VPS53: variants seen among roughly 807,000 people sequenced by gnomAD.
VPS53 encodes the protein VPS53 subunit of GARP complex.
VPS53 carries 70 observed loss-of-function variants against 107.0 expected under a neutral mutation model. The observed-to-expected ratio is 0.65, with a 90% confidence interval of 0.54 to 0.80. The LOEUF (loss-of-function observed/expected upper bound fraction) is 0.80. Ranked by LOEUF, VPS53 falls within the 30% of genes least tolerant of loss-of-function variation. The pLI is 0.00. For missense variants in VPS53, 917 were observed against 1,049.4 expected, an observed-to-expected ratio of 0.87 and a Z score of 1.74; for synonymous variants, 409 against 393.3, an observed-to-expected ratio of 1.04 and a Z score of -0.47.
At chr17:586,976 G>C (rs929176129) in intron 12 of VPS53, among the ~76,000 whole-genome samples, 1 of 152,002 alleles carries the variant, frequency 6.6e-6, no homozygotes, top group African/African-American at 2.4e-5. Flanking sequence ...AGAAAAAGAA[G>C]AATGGACAAC....
At chr17:599,465 C>T (rs1968215500) in intron 12 of VPS53, among the ~76,000 whole-genome samples, 1 of 151,362 alleles carries the variant, frequency 6.6e-6, no homozygotes, top group South Asian at 2.1e-4. Flanking sequence ...CAACCCTGTG[C>T]TCTCTGAAAC....
At chr17:633,280 C>T (rs75209059) in intron 7 of VPS53, among the ~76,000 whole-genome samples, 3 of 152,302 alleles carry the variant, frequency 2.0e-5, no homozygotes, top group East Asian at 3.9e-4. Context: ...TGGTGGCCAC[C>T]GTGCACCGGC....
At chr17:655,575 C>G (rs1015576070) in intron 6 of VPS53, among the ~76,000 whole-genome samples, 3 of 152,082 alleles carry the variant, frequency 2.0e-5, no homozygotes, top group Admixed American at 2.0e-4. Flanking sequence ...TGGTACAGAG[C>G]CACAGCCTGA....
intron 2 of VPS53, among the ~76,000 whole-genome samples, chr17:706,775 T>C (rs940113278): frequency 3.3e-5 from 5 of 152,128 alleles, no homozygotes; most frequent in African/African-American, 1.2e-4. Flanking sequence ...TTTCATGCCC[T>C]CAGGTACCAA....
At chr17:522,082 C>T (rs778699178) in intron 19 of VPS53, among the ~76,000 whole-genome samples, 3 of 151,980 alleles carry the variant, frequency 2.0e-5, no homozygotes, top group African/African-American at 4.8e-5. Context: ...GGCAAAACCC[C>T]GCCTCTACAA....
chr17:631,439 G>A (rs746860421), intron 8 of VPS53, 111 bp downstream of exon 8: 36 of 1,137,754 alleles, frequency 3.2e-5, no homozygotes, highest in South Asian at 2.2e-4. Context: ...AGAAGGATTT[G>A]CAGCTGCCAG....
chr17:642,213 C>G (rs1220885672), intron 7 of VPS53, among the ~76,000 whole-genome samples: 20 of 152,222 alleles, frequency 1.3e-4, no homozygotes. Context: ...TCCAAACAGA[C>G]ACCATAAAGA....
At chr17:639,804 G>C (rs1159871556) in intron 7 of VPS53, among the ~76,000 whole-genome samples, 1 of 152,210 alleles carries the variant, frequency 6.6e-6, no homozygotes, top group Non-Finnish European at 1.5e-5. Context: ...GTGTCAGTCT[G>C]CCCCTACTGG....
intron 4 of VPS53, among the ~76,000 whole-genome samples, chr17:663,948 C>A (rs1971575722): frequency 6.6e-6 from 1 of 152,126 alleles, no homozygotes; most frequent in South Asian, 2.1e-4. Context: ...GGTGAATTGA[C>A]AGGTGTGGTG....
At chr17:557,963 G>A (rs964458316) in intron 15 of VPS53, among the ~76,000 whole-genome samples, 5 of 150,724 alleles carry the variant, frequency 3.3e-5, no homozygotes, top group Middle Eastern at 6.9e-3. Flanking sequence ...AGGCTCAAGC[G>A]ATCCTCCAAC....
At chr17:639,229 C>T (rs1050191552) in intron 7 of VPS53, among the ~76,000 whole-genome samples, 1 of 152,210 alleles carries the variant, frequency 6.6e-6, no homozygotes, top group African/African-American at 2.4e-5. Context: ...AGCTTGTGCG[C>T]TCGTCAGGTA....
Position 509,680 on chromosome 17 carries a change from C to T in VPS53, c.*9448G>A, listed in dbSNP as rs113062926. 10,847 of 161,902 alleles carry T rather than the reference C, an allele frequency of 0.067. 431 individuals are homozygous for T. Among genetic ancestry groups the T allele is most frequent in the Non-Finnish European group, 0.086 (6,517 of 75,356 alleles). 10.0% of individuals were successfully genotyped at this position (161,902 alleles called of 1,614,324 possible). On this transcript the variant is annotated 3_prime_UTR_variant, in exon 22 of 22. Transcript: ENST00000437048. ...ATCCTGGCTCGCCCCTCACTGGTCA[C>T]GTATCGAATCCTGGCTCGCCCCTCA... is the stretch of plus-strand genomic sequence containing the variant.
rs73975718 is a variant in VPS53 at position 627,345 on chromosome 17, C to G, written c.832-29G>C. On this transcript the variant is annotated intron_variant, in intron 9 of 21. Coordinates refer to ENST00000437048, the MANE Select transcript of VPS53 (RefSeq NM_001128159.3). ...GTGAAGGTGGAGATCAAAAGCCACC[C>G]CAGTGGTTAGAAGTAGAAATGGCAG... The G allele has an allele frequency of 0.024, 38,407 of 1,602,876 alleles. 632 individuals are homozygous for G. The highest frequency in any genetic ancestry group is 0.082 in the East Asian group (3,644 of 44,698).
At chr17:659,821 C>A (rs925510106) in intron 5 of VPS53, among the ~76,000 whole-genome samples, 1 of 152,170 alleles carries the variant, frequency 6.6e-6, no homozygotes, top group Non-Finnish European at 1.5e-5. Context: ...CTTGTTCAGG[C>A]CCTCACTGCT....
At chr17:653,227 T>A (rs878960170) in intron 7 of VPS53, 64 bp downstream of exon 7, 1 of 1,597,822 alleles carries the variant, frequency 6.3e-7, no homozygotes, top group Non-Finnish European at 8.5e-7. Flanking sequence ...GGTGACAGTT[T>A]ACCTTTCGGA....
chr17:713,104 G>A (rs757039374), intron 1 of VPS53, among the ~76,000 whole-genome samples: 1 of 152,052 alleles, frequency 6.6e-6, no homozygotes, highest in Admixed American at 6.6e-5. Context: ...GGGAGGCTGA[G>A]GCAGGGTTAT....
intron 4 of VPS53, among the ~76,000 whole-genome samples, chr17:678,792 T>A (rs183432996): frequency 6.6e-6 from 1 of 151,888 alleles, no homozygotes; most frequent in Non-Finnish European, 1.5e-5. Context: ...GCGCCCGCCA[T>A]CACGCCTGGC....
chr17:518,050 C>A lies in VPS53; in HGVS notation c.*1078G>T, dbSNP rs1164354500. 6.6e-6 allele frequency: 1 copy of A among 152,344 alleles called. No individual in the cohort carries two copies. The highest frequency in any genetic ancestry group is 6.5e-5 in the Admixed American group (1 of 15,288). 9.4% of individuals were successfully genotyped at this position (152,344 alleles called of 1,614,324 possible). On this transcript the variant is annotated 3_prime_UTR_variant, in exon 22 of 22. Transcript: ENST00000437048. ...TCTCCCAAAGTGTTGCGACTACAGG[C>A]ATGAGCCGCCGTGCCTGGCAAGATA...
intron 15 of VPS53, among the ~76,000 whole-genome samples, chr17:558,803 G>T (rs1168285263): frequency 6.7e-6 from 1 of 149,002 alleles, no homozygotes. Flanking sequence ...GGCCAAGATG[G>T]TGAAACCCCA....
Sources: allele counts gnomAD v4.1 joint callset (sites outside exome capture counted in the v4.1 genomes callset), GRCh38; gene constraint gnomAD v4.1.1; transcripts MANE v1.5; gene names NCBI Gene and HGNC (gene_info 2026-07-23, HGNC 2026-07-21).